PCDHGB1: variants seen among roughly 807,000 people sequenced by gnomAD.
PCDHGB1 encodes the protein protocadherin gamma-B1.
A neutral mutation model predicts 56.6 loss-of-function variants in PCDHGB1; 34 were observed. That is an observed-to-expected ratio of 0.60 (90% CI 0.46 to 0.80). The LOEUF is 0.80. Ranked by LOEUF, PCDHGB1 falls within the 30% of genes least tolerant of loss-of-function variation. PCDHGB1 has a pLI of 0.00. For missense variants in PCDHGB1, 1,278 were observed against 1,204.6 expected (o/e 1.06, Z -0.90); for synonymous variants, 561 against 505.9 (o/e 1.11, Z -1.46).
chr5:141,392,865 G>A, intron 1 of PCDHGB1: 1 of 1,613,006 alleles, frequency 6.2e-7, no homozygotes, highest in Non-Finnish European at 8.5e-7. Flanking sequence ...CCTGCTGTGC[G>A]CGCTGCTGGG....
chr5:141,398,787 A>C, intron 1 of PCDHGB1: 1 of 1,613,902 alleles, frequency 6.2e-7, no homozygotes, highest in South Asian at 1.1e-5. Context: ...GTGGACATCC[A>C]CCCCTAAGCG....
At chr5:141,401,548 G>T (rs1291544476) in intron 1 of PCDHGB1, among the ~76,000 whole-genome samples, 1 of 152,162 alleles carries the variant, frequency 6.6e-6, no homozygotes, top group Non-Finnish European at 1.5e-5. Context: ...AAAAGGAAAT[G>T]CTATTGCCTG....
At position 141,491,289 on chromosome 5, in the gene PCDHGB1, C is replaced by T. The variant is rs2099710219; in HGVS notation, c.2410-3518C>T. ...CCAAATCCAGTGACTTCCTCATACA[C>T]CCTCCTGAGCGTTCAGACCTTACCC... On this transcript the variant is annotated intron_variant, in intron 1 of 3. Transcript: ENST00000523390. The surrounding 1 kb of genome is among the most constrained non-coding windows in gnomAD (Gnocchi z 6.9). 2 of 1,614,112 alleles carry T rather than the reference C, an allele frequency of 1.2e-6. No homozygotes were observed. The highest frequency in any genetic ancestry group is 1.7e-6 in the Non-Finnish European group (2 of 1,179,942).
chr5:141,404,079 C>G lies in PCDHGB1; in HGVS notation c.2409+51410C>G, dbSNP rs768434673. On this transcript the variant is annotated intron_variant, in intron 1 of 3. Transcript: ENST00000523390. ...CTTTTCAATGCTCATGACCGAGACT[C>G]CGGGAAGAATGGTCAAGTTGTCTGT... 3.1e-6 allele frequency: 5 copies of G among 1,613,568 alleles called. No homozygotes were observed. In the East Asian group the frequency reaches 1.1e-4, roughly 36 times the overall value.
Position 141,503,999 on chromosome 5 carries a change from C to T in PCDHGB1, c.2469-1394C>T, listed in dbSNP as rs569153055. On this transcript the variant is annotated intron_variant, in intron 2 of 3. Coordinates refer to ENST00000523390, the MANE Select transcript of PCDHGB1 (RefSeq NM_018922.3). Reference sequence around the variant, plus strand: ...AACCCTTCTTCTTACCTTACAGTCACTTAACTGTCTCTGCTGGTCTCTTCC... The same window carrying T: ...AACCCTTCTTCTTACCTTACAGTCATTTAACTGTCTCTGCTGGTCTCTTCC... 2.0e-5 allele frequency among the ~76,000 whole-genome samples: 3 copies of T among 152,286 alleles called. No individual in the cohort carries two copies. The South Asian group carries it at 6.2e-4, about 32-fold the overall frequency.
At chr5:141,366,280 C>T (rs1764463733) in intron 1 of PCDHGB1, 1 of 1,613,692 alleles carries the variant, frequency 6.2e-7, no homozygotes, top group African/African-American at 1.3e-5. Context: ...AAGACCATGG[C>T]CAGCCCCCTC....
intron 1 of PCDHGB1, chr5:141,375,132 C>T (rs1771158869): frequency 6.2e-7 from 1 of 1,613,952 alleles, no homozygotes; most frequent in Non-Finnish European, 8.5e-7. Flanking sequence ...GTGGTTGTTA[C>T]ATCTGGAAGC....
In PCDHGB1 at chr5:141,432,571, G is replaced by A. The variant is rs776214748; in HGVS notation, c.2410-62236G>A. On this transcript the variant is annotated intron_variant, in intron 1 of 3. Coordinates refer to ENST00000523390, the MANE Select transcript of PCDHGB1 (RefSeq NM_018922.3). The surrounding 1 kb of genome is among the most constrained non-coding windows in gnomAD (Gnocchi z 6.0). ...GAGACTCCGGCCAGAACGCCTGGCT[G>A]TCCTACCGTCTGCTCAAGGCCAGCG... is the stretch of plus-strand genomic sequence containing the variant. 1.2e-6 allele frequency: 2 copies of A among 1,613,954 alleles called. No homozygotes were observed. Among genetic ancestry groups the A allele is most frequent in the South Asian group, 1.1e-5 (1 of 91,068 alleles).
At chr5:141,508,151 C>T (rs1306467936) in intron 3 of PCDHGB1, 1 of 152,548 alleles carries the variant, frequency 6.6e-6, no homozygotes, top group Admixed American at 6.5e-5. Flanking sequence ...GGCTGAGTTT[C>T]CCTGAGTAGA....
chr5:141,440,503 G>A (rs979260104), intron 1 of PCDHGB1: 10 of 152,154 alleles, frequency 6.6e-5, no homozygotes, highest in Non-Finnish European at 1.0e-4. Flanking sequence ...ACATTAATAT[G>A]GAGATTCAGG....
At chr5:141,492,500 C>G (rs2099741252) in intron 1 of PCDHGB1, among the ~76,000 whole-genome samples, 1 of 152,322 alleles carries the variant, frequency 6.6e-6, no homozygotes, top group South Asian at 2.1e-4. Flanking sequence ...GCGAGGACTC[C>G]GGAGCCTCCT....
At chr5:141,428,455 T>C (rs898393760) in intron 1 of PCDHGB1, 61 of 361,572 alleles carry the variant, frequency 1.7e-4, no homozygotes, top group African/African-American at 1.2e-3. Context: ...TTTTCCCAAC[T>C]ACAATGAGGG....
rs766428179 is a variant in PCDHGB1, at chr5:141,395,052, C to T, written c.2409+42383C>T. 25 of 1,614,148 alleles carry T rather than the reference C, an allele frequency of 1.5e-5. No homozygotes were observed. In the African/African-American group the frequency reaches 3.2e-4, roughly 21 times the overall value. On this transcript the variant is annotated intron_variant, in intron 1 of 3. Coordinates refer to ENST00000523390, the MANE Select transcript of PCDHGB1 (RefSeq NM_018922.3). Reference sequence around the variant, plus strand: ...ACATTTTGTGGGTGTTGAGGAGGTACAGGCTTTCCTGCAGACCTATTCCCA... The same window carrying T: ...ACATTTTGTGGGTGTTGAGGAGGTATAGGCTTTCCTGCAGACCTATTCCCA...
chr5:141,472,230 C>T (rs1274096264), intron 1 of PCDHGB1, among the ~76,000 whole-genome samples: 1 of 152,116 alleles, frequency 6.6e-6, no homozygotes, highest in Non-Finnish European at 1.5e-5. Flanking sequence ...TCATATAATA[C>T]ATTCACTTTC....
At position 141,419,598 on chromosome 5, in the gene PCDHGB1, G is replaced by A. The variant is rs1466867194; in HGVS notation, c.2409+66929G>A. On this transcript the variant is annotated intron_variant, in intron 1 of 3. Transcript: ENST00000523390. ...TCCGCGCTCTTCGACACAGTGCCGC[G>A]GGCCGCGCAGCCAGGCTACCTGGTG... 21 of 1,611,674 alleles carry A rather than the reference G, an allele frequency of 1.3e-5. No individual in the cohort carries two copies. In the South Asian group the frequency reaches 1.3e-4, roughly 10 times the overall value.
chr5:141,361,937 A>C (rs1168023930), intron 1 of PCDHGB1: 1 of 1,605,822 alleles, frequency 6.2e-7, no homozygotes, highest in Admixed American at 1.7e-5. Flanking sequence ...TCAGGACACA[A>C]CGCTTGGCTG....
chr5:141,468,039 A>G (rs1007212946), intron 1 of PCDHGB1, among the ~76,000 whole-genome samples: 21 of 152,262 alleles, frequency 1.4e-4, no homozygotes, highest in African/African-American at 5.1e-4. Context: ...CATTTAGAAA[A>G]CTAAGCCGGG....
intron 1 of PCDHGB1, chr5:141,421,468 C>G: frequency 1.2e-6 from 2 of 1,614,096 alleles, no homozygotes; most frequent in Non-Finnish European, 1.7e-6. Flanking sequence ...TGTGAATCCG[C>G]GAAGCGGCAG....
intron 1 of PCDHGB1, chr5:141,413,956 G>A (rs2095696052): frequency 2.5e-6 from 4 of 1,613,366 alleles, no homozygotes; most frequent in African/African-American, 2.7e-5. Flanking sequence ...GAATTTGCCT[G>A]TGGGCACTCA....
Sources: gnomAD v4.1 joint callset for allele counts (sites outside exome capture counted in the v4.1 genomes callset) on GRCh38, gnomAD v4.1.1 for gene constraint, Gnocchi (gnomAD v3.1) non-coding constraint, MANE v1.5 for transcripts, NCBI Gene and HGNC (gene_info 2026-07-23, HGNC 2026-07-21) for gene names.